The following AOX1 variants were observed in gnomAD, a reference collection of about 807,000 sequenced individuals.
AOX1 encodes aldehyde oxidase 1.
A neutral mutation model predicts 169.5 loss-of-function variants in AOX1; 153 were observed. That is an observed-to-expected ratio of 0.90 (90% CI 0.79 to 1.03). The LOEUF (loss-of-function observed/expected upper bound fraction) is 1.03. AOX1 is among the 50% of genes least tolerant of loss of function. AOX1 has a pLI of 0.00. For synonymous variants in AOX1, 562 were observed against 581.9 expected, an observed-to-expected ratio of 0.97 and a Z score of 0.49; for missense variants, 1,656 against 1,663.9, an observed-to-expected ratio of 1.00 and a Z score of 0.08.
chr2:200,619,772 A>T (rs2034843785), intron 16 of AOX1, among the ~76,000 whole-genome samples: 1 of 152,196 alleles, frequency 6.6e-6, no homozygotes, highest in Admixed American at 6.5e-5. Context: ...CTTTGGCTTC[A>T]TTCTCTATCA....
rs370595819 is a variant in AOX1 at position 200,602,324 on chromosome 2, T to C, written c.477T>C (p.Asp159=). ...CRCTGYRPII[D]ACKTFCKTSG... Reference sequence around the variant, plus strand: ...GCACTGGATACAGGCCCATAATTGATGCATGCAAGACTTTCTGTAAAGTAA... The same window carrying C: ...GCACTGGATACAGGCCCATAATTGACGCATGCAAGACTTTCTGTAAAGTAA... Residue 159 remains aspartate, a synonymous_variant, in exon 6 of 35, where the codon GAT becomes GAC. Transcript: ENST00000374700. The C allele has an allele frequency of 3.7e-6, 6 of 1,613,854 alleles. No individual in the cohort carries two copies. The African/African-American group carries it at 5.3e-5, about 14-fold the overall frequency.
At chr2:200,615,897 T>C in intron 15 of AOX1, 74 bp from the exon 16 acceptor site, 1 of 1,108,286 alleles carries the variant, frequency 9.0e-7, no homozygotes, top group Non-Finnish European at 1.4e-6. Context: ...CTAAGACTCA[T>C]GCTAGCCTCA....
At chr2:200,642,465 G>A in intron 24 of AOX1, 145 bp from the exon 25 acceptor site, 2 of 564,328 alleles carry the variant, frequency 3.5e-6, no homozygotes, top group South Asian at 2.7e-5. Context: ...CAAAAAATGT[G>A]TTTAATTGGG....
intron 16 of AOX1, among the ~76,000 whole-genome samples, chr2:200,617,447 C>G (rs1446409682): frequency 7.7e-6 from 1 of 130,398 alleles, no homozygotes; most frequent in Non-Finnish European, 1.6e-5. Context: ...TTGAGGACAG[C>G]TTCTTTCACC....
intron 18 of AOX1, among the ~76,000 whole-genome samples, chr2:200,622,359 A>G (rs1046846607): frequency 2.6e-5 from 4 of 152,226 alleles, no homozygotes; most frequent in Non-Finnish European, 4.4e-5. Context: ...ATTACAAATG[A>G]TTAAAACTTT....
At position 200,659,222 on chromosome 2, in the gene AOX1, A is replaced by G; in HGVS notation, c.3229A>G (p.Thr1077Ala). The G allele has an allele frequency of 6.2e-7, 1 of 1,613,912 alleles. No individual in the cohort carries two copies. The highest frequency in any genetic ancestry group is 2.2e-5 in the East Asian group (1 of 44,890). ...GAATGTCCACCTGCGTGGAACAAGC[A>G]CAGAAACTGTCCCTAATGCAAATAT... is the stretch of plus-strand genomic sequence containing the variant. ...MSNVHLRGTS[T>A]ETVPNANISG... is the part of the protein sequence containing the mutation. The change falls in exon 28 of 35, where the codon ACA (threonine) becomes GCA (alanine). Residue 1077 changes from threonine (T) to alanine (A), a missense_variant. Thr to Ala is a moderately conservative substitution (Grantham distance 58, BLOSUM62 0). Coordinates refer to ENST00000374700, the MANE Select transcript of AOX1 (RefSeq NM_001159.4).
intron 13 of AOX1, 141 bp downstream of exon 13, chr2:200,611,634 A>G (rs1343728755): frequency 3.2e-6 from 2 of 618,318 alleles, no homozygotes; most frequent in African/African-American, 3.7e-5. Context: ...GTATGAGGTC[A>G]TTATTTTAAG....
At chr2:200,634,164 ATTTTTTTTT>A (rs58341876) in intron 20 of AOX1, among the ~76,000 whole-genome samples, 52 of 84,948 alleles carry the variant, frequency 6.1e-4, no homozygotes, top group East Asian at 8.9e-4. Flanking sequence ...TTTCTTGAGG[ATTTTTTTTT>A]TTTTTTTTTT....
chr2:200,673,803 G>C (rs1436020878), downstream of AOX1, among the ~76,000 whole-genome samples: 2 of 152,182 alleles, frequency 1.3e-5, no homozygotes, highest in Non-Finnish European at 2.9e-5. Flanking sequence ...CTCCAGCGTT[G>C]GCTCATGTTC....
downstream of AOX1, among the ~76,000 whole-genome samples, chr2:200,674,744 G>A (rs79266846): frequency 0.058 from 8,812 of 152,208 alleles, 374 homozygotes; most frequent in Admixed American, 0.11. Context: ...TTCCAACACA[G>A]ACCAAAACTG....
chr2:200,631,747 T>C (rs2035129385), intron 20 of AOX1, among the ~76,000 whole-genome samples: 1 of 152,206 alleles, frequency 6.6e-6, no homozygotes, highest in African/African-American at 2.4e-5. Flanking sequence ...TGTCTAATTT[T>C]TTTAGCTCTG....
intron 26 of AOX1, among the ~76,000 whole-genome samples, chr2:200,652,666 A>G (rs1312378620): frequency 1.3e-5 from 2 of 152,186 alleles, no homozygotes; most frequent in African/African-American, 2.4e-5. Flanking sequence ...GTGGGTAAAC[A>G]TGGCGCACTG....
chr2:200,671,207 G>A lies in AOX1; in HGVS notation c.*528G>A, dbSNP rs1050887. On this transcript the variant is annotated 3_prime_UTR_variant, in exon 35 of 35. Transcript: ENST00000374700. ...CCAAAGTTTTCATGAAAACCCAAAA[G>A]CTTTAAAAGTTACTATCAAGAAATT... 0.062 allele frequency: 9,364 copies of A among 152,160 alleles called. 392 individuals carry two copies. The highest frequency in any genetic ancestry group is 0.11 in the Admixed American group (1,698 of 15,286). The allele number at this position is 152,160 out of a possible 1,614,324, so 9.4% of individuals were successfully genotyped here. A position where few individuals can be genotyped will look rare whatever the true frequency, so the allele number is the denominator to read the frequency against.
At chr2:200,617,242 C>T (rs560159974) in intron 16 of AOX1, among the ~76,000 whole-genome samples, 5 of 151,964 alleles carry the variant, frequency 3.3e-5, no homozygotes, top group Non-Finnish European at 5.9e-5. Context: ...TTGTTTTGCC[C>T]GTGGTTTTTC....
At chr2:200,680,780 A>T (rs949582889), downstream of AOX1, among the ~76,000 whole-genome samples, 3 of 151,726 alleles carry the variant, frequency 2.0e-5, no homozygotes, top group Non-Finnish European at 4.4e-5. Flanking sequence ...TCCTGACCTC[A>T]GGTGATCCAA....
At chr2:200,673,615 T>C (rs1344054616), downstream of AOX1, among the ~76,000 whole-genome samples, 1 of 152,186 alleles carries the variant, frequency 6.6e-6, no homozygotes, top group African/African-American at 2.4e-5. Context: ...CATTCTCACA[T>C]TGAAGCCAAA....
rs749791927 is a variant in AOX1, at chr2:200,599,713, C to G, written c.403C>G (p.Pro135Ala). Residue 135 changes from proline (P) to alanine (A), a missense_variant, in exon 5 of 35, where the codon CCC becomes GCC. By Grantham distance (27) the Pro-to-Ala change is conservative. Coordinates refer to ENST00000374700, the MANE Select transcript of AOX1 (RefSeq NM_001159.4). ...CACGCTGCTCAGGAACCACCCAGAG[C>G]CCACTCTGGATCAGTTAACTGATGC... ...IYTLLRNHPE[P>A]TLDQLTDALG... is the part of the protein sequence containing the mutation. The G allele has an allele frequency of 1.9e-6, 3 of 1,609,810 alleles. No individual in the cohort carries two copies. The Admixed American group carries it at 5.0e-5, about 27-fold the overall frequency.
In AOX1 at chr2:200,627,168, T is replaced by C. The variant is rs2105730394; in HGVS notation, c.2125-185T>C. ...ACTCAGTAGGCACATTTACATTTCC[T>C]CACTGGGGAGTCTCTCTGCAGTTGG... On this transcript the variant is annotated intron_variant, in intron 19 of 34. Coordinates refer to ENST00000374700, the MANE Select transcript of AOX1 (RefSeq NM_001159.4). Among the ~76,000 whole-genome samples, 3 of 152,350 alleles carry C rather than the reference T, an allele frequency of 2.0e-5. No individual in the cohort carries two copies. In the South Asian group the frequency reaches 6.2e-4, roughly 32 times the overall value.
In AOX1 at chr2:200,586,036, G is replaced by C; in HGVS notation, c.-73G>C. ...CCCACTCGGCGGGTCGGTGCCGCCG[G>C]GTCCCAGGTGCCCGCTACTTCCCAG... On this transcript the variant is annotated 5_prime_UTR_variant, in exon 1 of 35. Coordinates refer to ENST00000374700, the MANE Select transcript of AOX1 (RefSeq NM_001159.4). The C allele has an allele frequency of 6.6e-7, 1 of 1,525,454 alleles. No homozygotes were observed. The highest frequency in any genetic ancestry group is 8.8e-7 in the Non-Finnish European group (1 of 1,130,266). 94.5% of individuals were successfully genotyped at this position (1,525,454 alleles called of 1,614,324 possible). A position where few individuals can be genotyped will look rare whatever the true frequency, so the allele number is the denominator to read the frequency against.
Sources: allele counts gnomAD v4.1 joint callset (sites outside exome capture counted in the v4.1 genomes callset), GRCh38; gene constraint gnomAD v4.1.1; transcripts MANE v1.5; gene names NCBI Gene and HGNC (gene_info 2026-07-23, HGNC 2026-07-21).